The following RIMS1 variants were observed in gnomAD, a reference collection of about 807,000 sequenced individuals.
RIMS1 encodes the protein regulating synaptic membrane exocytosis protein 1.
A neutral mutation model predicts 214.1 loss-of-function variants in RIMS1; 83 were observed. The ratio of observed to expected loss-of-function variants is 0.39; its 90% CI spans 0.32 to 0.47. The LOEUF (loss-of-function observed/expected upper bound fraction) is 0.47. RIMS1 is among the 20% of genes least tolerant of loss of function. The pLI is 0.99. For synonymous variants in RIMS1, 793 were observed against 786.8 expected (o/e 1.01, Z -0.13); for missense variants, 2,050 against 2,161.8 (o/e 0.95, Z 1.03).
chr6:72,265,348 A>G, intron 20 of RIMS1, 42 bp from the exon 21 acceptor site: 2 of 1,103,040 alleles, frequency 1.8e-6, no homozygotes, highest in Non-Finnish European at 2.6e-6. Flanking sequence ...TTTTAATTAT[A>G]ATTTATTTTA....
At chr6:72,255,919 C>T (rs964360061) in intron 16 of RIMS1, among the ~76,000 whole-genome samples, 1 of 151,030 alleles carries the variant, frequency 6.6e-6, no homozygotes, top group Non-Finnish European at 1.5e-5. Context: ...GCCTGTAATC[C>T]TATCTATTCA....
Position 72,084,940 on chromosome 6 carries a change from A to G in RIMS1, c.246-12009A>G, listed in dbSNP as rs78671335. ...TTAATATATAATTTTTTAAAAGGGT[A>G]TGTAGAATGATAGTCATCTGCAAAA... On this transcript the variant is annotated intron_variant, in intron 2 of 33. Coordinates refer to ENST00000521978, the MANE Select transcript of RIMS1 (RefSeq NM_014989.7). 1.1e-3 allele frequency among the ~76,000 whole-genome samples: 160 copies of G among 152,280 alleles called. No homozygotes were observed. The East Asian group carries it at 0.026, about 25-fold the overall frequency.
At chr6:71,966,886 A>C (rs1259310007) in intron 1 of RIMS1, among the ~76,000 whole-genome samples, 1 of 152,196 alleles carries the variant, frequency 6.6e-6, no homozygotes. Context: ...GTTGCTTAAT[A>C]CCTTATATTT....
intron 29 of RIMS1, chr6:72,366,834 A>T: frequency 1.0e-6 from 1 of 985,480 alleles, no homozygotes; most frequent in Non-Finnish European, 1.2e-6. Flanking sequence ...GAACAATTTA[A>T]TGCTGATACT....
chr6:71,920,792 G>A (rs1468856768), intron 1 of RIMS1, among the ~76,000 whole-genome samples: 1 of 152,080 alleles, frequency 6.6e-6, no homozygotes, highest in African/African-American at 2.4e-5. Flanking sequence ...TTTTGTATTT[G>A]GTCTTTCCTT....
At chr6:72,239,871 G>T (rs556948715) in intron 9 of RIMS1, among the ~76,000 whole-genome samples, 34 of 152,206 alleles carry the variant, frequency 2.2e-4, no homozygotes, top group African/African-American at 8.2e-4. Flanking sequence ...AGAAGATGTG[G>T]TCAATGCCTC....
chr6:71,979,174 G>A (rs1296736600), intron 2 of RIMS1, among the ~76,000 whole-genome samples: 1 of 151,980 alleles, frequency 6.6e-6, no homozygotes, highest in Admixed American at 6.6e-5. Context: ...TTTAGTTCTG[G>A]AAGAGTAGAA....
At position 72,265,428 on chromosome 6, in the gene RIMS1, C is replaced by G; in HGVS notation, c.3233C>G (p.Thr1078Ser). The change falls in exon 21 of 34, where the codon ACT becomes AGT. Residue 1078 changes from threonine (T) to serine (S), a missense_variant. Transcript: ENST00000521978. Reference sequence around the variant, plus strand: ...GCACATACTAAGACCAAATCAGTGACTAGACAGGACATTTCCCTTCATCAT... The same window carrying G: ...GCACATACTAAGACCAAATCAGTGAGTAGACAGGACATTTCCCTTCATCAT... ...LPAHTKTKSV[T>S]RQDISLHHEC... 1 of 1,609,346 alleles carries G rather than the reference C, an allele frequency of 6.2e-7. No homozygotes were observed. Among genetic ancestry groups the G allele is most frequent in the Admixed American group, 1.7e-5 (1 of 59,868 alleles).
chr6:71,958,557 G>T (rs181477902), intron 1 of RIMS1, among the ~76,000 whole-genome samples: 1 of 152,218 alleles, frequency 6.6e-6, no homozygotes, highest in East Asian at 1.9e-4. Flanking sequence ...AGAAAAGTAG[G>T]ATACGGAATG....
intron 22 of RIMS1, among the ~76,000 whole-genome samples, chr6:72,273,216 A>G (rs187313305): frequency 2.6e-5 from 4 of 152,214 alleles, no homozygotes; most frequent in African/African-American, 9.6e-5. Context: ...GTTTGGCCAG[A>G]TGGTCTAAAA....
chr6:72,287,853 T>C (rs886708270), intron 24 of RIMS1, among the ~76,000 whole-genome samples: 4 of 152,100 alleles, frequency 2.6e-5, no homozygotes, highest in Non-Finnish European at 4.4e-5. Context: ...CAGCCTCCCA[T>C]AGTGGCATGA....
At chr6:71,904,937 G>A (rs62407747) in intron 1 of RIMS1, among the ~76,000 whole-genome samples, 19,404 of 152,128 alleles carry the variant, frequency 0.13, 1,598 homozygotes, top group Middle Eastern at 0.21. Flanking sequence ...TCATGAAATC[G>A]TTAGCTCTAT....
At chr6:72,309,179 G>T (rs940807432) in intron 27 of RIMS1, among the ~76,000 whole-genome samples, 1 of 151,936 alleles carries the variant, frequency 6.6e-6, no homozygotes, top group Non-Finnish European at 1.5e-5. Context: ...TCCTGAGCTG[G>T]GATTCTGATC....
At chr6:72,025,190 A>G (rs1175060693) in intron 2 of RIMS1, among the ~76,000 whole-genome samples, 1 of 152,170 alleles carries the variant, frequency 6.6e-6, no homozygotes, top group Non-Finnish European at 1.5e-5. Flanking sequence ...GACATGAGCC[A>G]CCGCACCTGG....
At chr6:72,341,792 G>T (rs984506841) in intron 29 of RIMS1, among the ~76,000 whole-genome samples, 1 of 151,776 alleles carries the variant, frequency 6.6e-6, no homozygotes, top group African/African-American at 2.4e-5. Flanking sequence ...TAGGATGAGG[G>T]CACATACAGA....
At chr6:72,172,694 T>C (rs903604013) in intron 4 of RIMS1, among the ~76,000 whole-genome samples, 2 of 152,192 alleles carry the variant, frequency 1.3e-5, no homozygotes, top group Non-Finnish European at 2.9e-5. Flanking sequence ...TGATGGGAAA[T>C]GTTCTTAGCT....
At chr6:72,207,324 G>T (rs1393392599) in intron 6 of RIMS1, among the ~76,000 whole-genome samples, 1 of 152,168 alleles carries the variant, frequency 6.6e-6, no homozygotes, top group Admixed American at 6.5e-5. Flanking sequence ...TGAGACATAC[G>T]CTCCTGTGTA....
intron 6 of RIMS1, among the ~76,000 whole-genome samples, chr6:72,200,088 T>C (rs531810911): frequency 6.6e-6 from 1 of 152,252 alleles, no homozygotes; most frequent in South Asian, 2.1e-4. Context: ...AATATTTCTT[T>C]TATTAAATTG....
chr6:72,292,386 T>C (rs544760076), intron 26 of RIMS1, among the ~76,000 whole-genome samples: 28 of 152,310 alleles, frequency 1.8e-4, no homozygotes, highest in Admixed American at 1.6e-3. Flanking sequence ...AAAGAATATT[T>C]TATCTTTTAA....
Sources: gnomAD v4.1 joint callset for allele counts (sites outside exome capture counted in the v4.1 genomes callset) on GRCh38, gnomAD v4.1.1 for gene constraint, MANE v1.5 for transcripts, NCBI Gene and HGNC (gene_info 2026-07-23, HGNC 2026-07-21) for gene names.